Variants in CCDC112 observed in about 807,000 individuals in gnomAD.
CCDC112 encodes coiled-coil domain containing 112, also known as coiled-coil domain-containing protein 112.
A neutral mutation model predicts 66.3 loss-of-function variants in CCDC112; 40 were observed. That is an observed-to-expected ratio of 0.60 (90% CI 0.47 to 0.79). The LOEUF (loss-of-function observed/expected upper bound fraction) is 0.79, where lower values mean the gene tolerates loss of function less well. Ranked by LOEUF, CCDC112 falls within the 30% of genes least tolerant of loss-of-function variation. CCDC112 has a pLI of 0.00. For missense variants in CCDC112, 659 were observed against 603.8 expected, an observed-to-expected ratio of 1.09 and a Z score of -0.96; for synonymous variants, 214 against 197.2, an observed-to-expected ratio of 1.09 and a Z score of -0.71.
chr5:115,296,271 A>T (rs1166498061), intron 1 of CCDC112, 156 bp downstream of exon 1: 12 of 1,307,700 alleles, frequency 9.2e-6, no homozygotes, highest in Non-Finnish European at 1.2e-5. Flanking sequence ...TGTTAAACGC[A>T]CAAGCCAACA....
At chr5:115,282,115 T>C (rs960498666) in intron 2 of CCDC112, among the ~76,000 whole-genome samples, 4 of 152,276 alleles carry the variant, frequency 2.6e-5, no homozygotes, top group South Asian at 4.1e-4. Flanking sequence ...TCCATAAATA[T>C]GGGCAGGTTA....
rs552890591 is a variant in CCDC112, at chr5:115,296,575, G to A, written c.-32C>T. On this transcript the variant is annotated 5_prime_UTR_variant, in exon 1 of 10. Transcript: ENST00000379611. ...CCGCCGAGCTACTCGGGCCGCGGCG[G>A]CCACCGGTGCCTGGGGATTCGTGGC... 4.9e-6 allele frequency: 7 copies of A among 1,440,254 alleles called. No individual in the cohort carries two copies. In the African/African-American group the frequency reaches 8.9e-5, roughly 18 times the overall value. The allele number at this position is 1,440,254 out of a possible 1,614,324, so 89.2% of individuals were successfully genotyped here.
intron 1 of CCDC112, among the ~76,000 whole-genome samples, chr5:115,292,660 G>A (rs766070906): frequency 2.1e-4 from 32 of 152,150 alleles, no homozygotes; most frequent in Admixed American, 2.0e-4. Context: ...CTGTTTGTTT[G>A]GTCACTTTAA....
chr5:115,290,180 G>A (rs1456160182), intron 1 of CCDC112, among the ~76,000 whole-genome samples: 1 of 152,192 alleles, frequency 6.6e-6, no homozygotes, highest in Admixed American at 6.5e-5. Flanking sequence ...AATATGGTGT[G>A]AGGTAGTTCA....
chr5:115,295,156 T>C (rs903922398), intron 1 of CCDC112, among the ~76,000 whole-genome samples: 8 of 152,270 alleles, frequency 5.3e-5, no homozygotes, highest in South Asian at 2.1e-4. Flanking sequence ...CTCTAGGGGA[T>C]TGATAAAATA....
chr5:115,280,354 T>C (rs1749399389), intron 2 of CCDC112: 1 of 152,210 alleles, frequency 6.6e-6, no homozygotes, highest in African/African-American at 2.4e-5. Context: ...AGACTAACCA[T>C]CTACAAAGAC....
chr5:115,280,509 A>C (rs1205336656), intron 2 of CCDC112: 1 of 152,020 alleles, frequency 6.6e-6, no homozygotes, highest in Non-Finnish European at 1.5e-5. Flanking sequence ...AAAATAAAAC[A>C]CTACTGAGAA....
At chr5:115,288,835 T>C (rs767615614) in intron 1 of CCDC112, among the ~76,000 whole-genome samples, 1 of 152,052 alleles carries the variant, frequency 6.6e-6, no homozygotes, top group Admixed American at 6.6e-5. Flanking sequence ...ACTTAAAAAA[T>C]AGGATGAGGT....
intron 2 of CCDC112, among the ~76,000 whole-genome samples, chr5:115,281,887 C>A (rs1040981828): frequency 4.6e-5 from 7 of 152,122 alleles, no homozygotes; most frequent in Non-Finnish European, 1.0e-4. Flanking sequence ...GTGAGGAAAA[C>A]ATGTCTTCTC....
At chr5:115,273,030 G>A (rs150777890) in intron 6 of CCDC112, among the ~76,000 whole-genome samples, 270 of 152,308 alleles carry the variant, frequency 1.8e-3, no homozygotes, top group African/African-American at 6.1e-3. Context: ...ACCAGTAACA[G>A]TTTGCAAACC....
chr5:115,269,863 G>T (rs1580793197), intron 7 of CCDC112, 65 bp from the exon 8 acceptor site: 2 of 978,644 alleles, frequency 2.0e-6, no homozygotes, highest in Non-Finnish European at 3.0e-6. Flanking sequence ...AAATTTAGTT[G>T]TTCACAAGTA....
rs1750174105 is a variant in CCDC112 at position 115,296,639 on chromosome 5, C to A, written c.-96G>T. 1.9e-6 allele frequency: 2 copies of A among 1,063,332 alleles called. No homozygotes were observed. The highest frequency in any genetic ancestry group is 9.5e-5 in the East Asian group (1 of 10,540). The allele number at this position is 1,063,332 out of a possible 1,614,324, so 65.9% of individuals were successfully genotyped here. On this transcript the variant is annotated 5_prime_UTR_variant, in exon 1 of 10. Coordinates refer to ENST00000379611, the MANE Select transcript of CCDC112 (RefSeq NM_001040440.3). ...CCTCTGCAGACAGCTCCCTGCGCTG[C>A]GGGCTTGGCCGGGATGCAGGGCGGG...
intron 6 of CCDC112, among the ~76,000 whole-genome samples, chr5:115,274,381 T>G (rs972172040): frequency 1.3e-5 from 2 of 152,208 alleles, no homozygotes; most frequent in African/African-American, 4.8e-5. Flanking sequence ...AAAATGGACC[T>G]TTTTAGGTAT....
rs145539074 is a variant in CCDC112, at chr5:115,284,696, G to C, written c.239+91C>G. The stretch of plus-strand genomic sequence containing the variant: ...TGATTACAATTTTATAACTTAATGT[G>C]AGCCTAGGTAGGGTAGAGTAGAATT... On this transcript the variant is annotated intron_variant, in intron 2 of 9. Transcript: ENST00000379611. 2,325 of 961,250 alleles carry C rather than the reference G, an allele frequency of 2.4e-3. 36 individuals carry two copies. The African/African-American group carries it at 0.032, about 13-fold the overall frequency. The allele number at this position is 961,250 out of a possible 1,614,324, so 59.5% of individuals were successfully genotyped here. A position where few individuals can be genotyped will look rare whatever the true frequency, so the allele number is the denominator to read the frequency against.
intron 1 of CCDC112, among the ~76,000 whole-genome samples, chr5:115,293,922 A>G (rs1750040727): frequency 1.3e-5 from 2 of 152,242 alleles, no homozygotes; most frequent in South Asian, 2.1e-4. Flanking sequence ...ACTGTTAAAG[A>G]TACTTCAAAA....
chr5:115,276,237 A>T (rs1749201579), intron 4 of CCDC112, among the ~76,000 whole-genome samples, 168 bp from the exon 5 acceptor site: 2 of 152,186 alleles, frequency 1.3e-5, no homozygotes, highest in African/African-American at 2.4e-5. Flanking sequence ...ATTTTTTCTG[A>T]TTACAGACAT....
chr5:115,281,865 G>T (rs1191710640), intron 2 of CCDC112, among the ~76,000 whole-genome samples: 1 of 152,138 alleles, frequency 6.6e-6, no homozygotes, highest in African/African-American at 2.4e-5. Flanking sequence ...AATATATTTT[G>T]TTGACAAAAC....
In CCDC112 at chr5:115,269,707, T is replaced by A. The variant is rs1336635555; in HGVS notation, c.1424A>T (p.Glu475Val). The change falls in exon 8 of 10, where the codon GAA becomes GTA. Residue 475 changes from glutamate to valine, a missense_variant. Physicochemically the swap from Glu to Val is moderately radical, Grantham distance 121. Coordinates refer to ENST00000379611, the MANE Select transcript of CCDC112 (RefSeq NM_001040440.3). ...AATAATCTCGGTGCAGAGTACCTTT[T>A]CTTTTAATTTTGCCAGTCTTCTTTG... ...QKQRRLAKLK[E>V]KVENNVSRDP... The A allele has an allele frequency of 6.3e-7, 1 of 1,591,364 alleles. No individual in the cohort carries two copies.
Position 115,271,470 on chromosome 5 carries a change from C to T in CCDC112, c.1075G>A (p.Glu359Lys), listed in dbSNP as rs1242822189. Residue 359 changes from glutamate to lysine, a missense_variant, in exon 7 of 10, where the codon GAA becomes AAA. Physicochemically the swap from Glu to Lys is moderately conservative, Grantham distance 56. Transcript: ENST00000379611. ...EQRKKQKLAVEAWKKQKSIEM... is the reference protein window; with the variant it reads ...EQRKKQKLAVKAWKKQKSIEM... ...ATACTTTTCTGTTTCTTCCAAGCTT[C>T]AACTGCCAATTTCTGTTTCTTTCTT... is the stretch of plus-strand genomic sequence containing the variant. The T allele has an allele frequency of 1.2e-6, 2 of 1,612,976 alleles. No homozygotes were observed.
Sources: allele counts gnomAD v4.1 joint callset (sites outside exome capture counted in the v4.1 genomes callset), GRCh38; gene constraint gnomAD v4.1.1; transcripts MANE v1.5; gene names NCBI Gene and HGNC (gene_info 2026-07-23, HGNC 2026-07-21).